The following ARHGAP26 variants were observed in gnomAD, a reference collection of about 807,000 sequenced individuals.
ARHGAP26 encodes Rho GTPase activating protein 26, also known as rho GTPase-activating protein 26.
ARHGAP26 carries 38 observed loss-of-function variants against 104.8 expected under a neutral mutation model. That is an observed-to-expected ratio of 0.36 (90% CI 0.28 to 0.48). ARHGAP26 has a LOEUF of 0.48. Ranked by LOEUF, ARHGAP26 falls within the 20% of genes least tolerant of loss-of-function variation. ARHGAP26 has a pLI of 0.99. For missense variants in ARHGAP26, 704 were observed against 947.9 expected, an observed-to-expected ratio of 0.74 and a Z score of 3.38; for synonymous variants, 341 against 340.0, an observed-to-expected ratio of 1.00 and a Z score of -0.03.
At chr5:143,161,056 G>A (rs1801175311) in intron 20 of ARHGAP26, among the ~76,000 whole-genome samples, 1 of 145,594 alleles carries the variant, frequency 6.9e-6, no homozygotes, top group Non-Finnish European at 1.5e-5. Context: ...TTGTTGCTCA[G>A]GCTGGAGTGC....
chr5:142,875,942 T>A (rs1320169116), intron 3 of ARHGAP26, among the ~76,000 whole-genome samples: 1 of 152,210 alleles, frequency 6.6e-6, no homozygotes, highest in Non-Finnish European at 1.5e-5. Context: ...GAGGTCTTGC[T>A]GTGTTACCCA....
chr5:142,965,667 T>C (rs1771201019), intron 11 of ARHGAP26, among the ~76,000 whole-genome samples: 1 of 152,120 alleles, frequency 6.6e-6, no homozygotes, highest in Non-Finnish European at 1.5e-5. Flanking sequence ...TATATAATCA[T>C]CTCTAAGATC....
At chr5:143,126,859 C>A (rs1796786106) in intron 18 of ARHGAP26, among the ~76,000 whole-genome samples, 1 of 152,232 alleles carries the variant, frequency 6.6e-6, no homozygotes, top group South Asian at 2.1e-4. Context: ...GCAAAATTAC[C>A]ATTTCCGTAT....
intron 17 of ARHGAP26, among the ~76,000 whole-genome samples, chr5:143,076,141 C>T (rs573485196): frequency 1.7e-3 from 250 of 150,048 alleles, no homozygotes; most frequent in African/African-American, 5.5e-3. Context: ...TACAGGTGTG[C>T]GCCACCAGAC....
rs1424264346 is a variant in ARHGAP26, at chr5:142,858,094, T to TGTGTGTGTGTGTGTGA, written c.155-15305_155-15304insTGTGTGTGTGTGTGAG. ...GTGTGTGTGTGTGTGTGTGTGTGTG[T>TGTGTGTGTGTGTGTGA]GAGAGAGAGAGAGAGAGGGAGTGTG... On this transcript the variant is annotated intron_variant, in intron 1 of 22. Transcript: ENST00000645722. Among the ~76,000 whole-genome samples, 50 of 127,238 alleles carry TGTGTGTGTGTGTGTGA rather than the reference T, an allele frequency of 3.9e-4. 1 individual carries two copies. In the South Asian group the frequency reaches 6.4e-3, roughly 16 times the overall value. 83.5% of individuals were successfully genotyped at this position (127,238 alleles called of 152,430 possible).
chr5:142,784,168 G>A (rs1023036307), intron 1 of ARHGAP26, among the ~76,000 whole-genome samples: 3 of 152,212 alleles, frequency 2.0e-5, no homozygotes, highest in Non-Finnish European at 2.9e-5. Flanking sequence ...CAGCAAGATG[G>A]GTTTCTCTCT....
chr5:142,833,227 T>G (rs252463), intron 1 of ARHGAP26, among the ~76,000 whole-genome samples: 38,061 of 140,946 alleles, frequency 0.27, 7,084 homozygotes, highest in East Asian at 0.55. Context: ...CTAATTTTTT[T>G]TTTTTTTTTT....
intron 12 of ARHGAP26, among the ~76,000 whole-genome samples, chr5:143,035,033 C>T (rs1227052760): frequency 1.3e-5 from 2 of 152,154 alleles, no homozygotes; most frequent in African/African-American, 2.4e-5. Flanking sequence ...CAAGTAATCT[C>T]CAGGGAGAAA....
At chr5:142,958,022 CACATTTGAAATA>C (rs1435600391) in intron 11 of ARHGAP26, among the ~76,000 whole-genome samples, 18 of 152,258 alleles carry the variant, frequency 1.2e-4, no homozygotes, top group African/African-American at 3.6e-4. Flanking sequence ...ATAACTTGAA[CACATTTGAAATA>C]ACATTTGAAA....
At chr5:143,060,004 C>A (rs1214125937) in intron 17 of ARHGAP26, among the ~76,000 whole-genome samples, 2 of 152,148 alleles carry the variant, frequency 1.3e-5, no homozygotes, top group African/African-American at 4.8e-5. Context: ...TGAAAAAATT[C>A]TTTGGCATCC....
intron 10 of ARHGAP26, chr5:142,919,162 G>T (rs409225): frequency 0.075 from 29,681 of 398,100 alleles, 1,994 homozygotes; most frequent in East Asian, 0.26. Context: ...TTAAAATGAC[G>T]TCATTAGGGT....
intron 1 of ARHGAP26, among the ~76,000 whole-genome samples, chr5:142,814,329 G>T (rs887383761): frequency 4.6e-5 from 7 of 152,254 alleles, no homozygotes; most frequent in African/African-American, 1.7e-4. Context: ...CTACAAGAGA[G>T]GTTTGGAATC....
chr5:143,122,283 C>G (rs371650718), intron 18 of ARHGAP26, among the ~76,000 whole-genome samples: 7 of 152,322 alleles, frequency 4.6e-5, no homozygotes, highest in Middle Eastern at 3.4e-3. Context: ...TTCTGCCTTG[C>G]TGTTTCTTGG....
At chr5:142,868,523 G>A (rs1256733934) in intron 1 of ARHGAP26, among the ~76,000 whole-genome samples, 2 of 152,212 alleles carry the variant, frequency 1.3e-5, no homozygotes, top group Non-Finnish European at 2.9e-5. Flanking sequence ...TTGTTTAGGG[G>A]TTGCTGATAG....
chr5:143,000,808 A>G (rs967470195), intron 11 of ARHGAP26, among the ~76,000 whole-genome samples: 2 of 152,212 alleles, frequency 1.3e-5, no homozygotes, highest in African/African-American at 2.4e-5. Flanking sequence ...GTTCTCACTC[A>G]TAAGTGGGAG....
intron 3 of ARHGAP26, 85 bp from the exon 4 acceptor site, chr5:142,879,289 G>C (rs1756587205): frequency 8.2e-7 from 1 of 1,217,854 alleles, no homozygotes; most frequent in Non-Finnish European, 1.2e-6. Flanking sequence ...AAGACATGGG[G>C]AGGCATCTCA....
At chr5:142,928,829 A>G (rs1017597681) in intron 10 of ARHGAP26, among the ~76,000 whole-genome samples, 2 of 152,216 alleles carry the variant, frequency 1.3e-5, no homozygotes, top group Admixed American at 6.5e-5. Context: ...CTTTTATTGT[A>G]GAGGGTCTAA....
At chr5:142,887,496 T>C (rs763463287) in intron 5 of ARHGAP26, among the ~76,000 whole-genome samples, 1 of 152,238 alleles carries the variant, frequency 6.6e-6, no homozygotes, top group Non-Finnish European at 1.5e-5. Flanking sequence ...TTCCGCTCCA[T>C]TTTCTGTTCT....
chr5:142,881,730 A>T (rs1008389284), intron 4 of ARHGAP26, among the ~76,000 whole-genome samples: 1 of 152,196 alleles, frequency 6.6e-6, no homozygotes, highest in Non-Finnish European at 1.5e-5. Flanking sequence ...AGCAAACAAC[A>T]GATCCACTTC....
Sources: allele counts gnomAD v4.1 joint callset (sites outside exome capture counted in the v4.1 genomes callset), GRCh38; gene constraint gnomAD v4.1.1; transcripts MANE v1.5; gene names NCBI Gene and HGNC (gene_info 2026-07-23, HGNC 2026-07-21).